The following TENM3 variants were observed in gnomAD, a reference collection of about 807,000 sequenced individuals.
TENM3 encodes the protein teneurin transmembrane protein 3, also known as teneurin-3.
Under a neutral mutation model 255.1 loss-of-function variants are expected in TENM3, and 63 were observed. The observed-to-expected ratio is 0.25, with a 90% CI of 0.20 to 0.30. TENM3 has a LOEUF of 0.30. Among genes scored for constraint, TENM3 ranks in the 10% least tolerant of loss-of-function variants. The pLI, the probability that TENM3 is intolerant of heterozygous loss-of-function variation, is 1.00. For synonymous variants in TENM3, 1,306 were observed against 1,322.3 expected, an observed-to-expected ratio of 0.99 and a Z score of 0.27; for missense variants, 2,929 against 3,461.1, an observed-to-expected ratio of 0.85 and a Z score of 3.86.
At chr4:181,753,540 A>G in the TENM3 span, among the ~76,000 whole-genome samples, 3 of 152,044 alleles carry the variant, frequency 2.0e-5, no homozygotes, top group African/African-American at 7.2e-5. Context: ...GAAAAAAAAA[A>G]AAGATGGATT....
upstream of TENM3, chr4:182,143,156 G>C (rs565717647): frequency 6.0e-6 from 1 of 167,340 alleles, no homozygotes; most frequent in South Asian, 2.1e-4. This position sits in a 1 kb window ranked among gnomAD's most constrained non-coding sequence, Gnocchi z 4.3. Flanking sequence ...GGAGAATGGA[G>C]AGGAAAGAAG....
chr4:181,917,513 A>G, the TENM3 span, among the ~76,000 whole-genome samples: 1 of 152,150 alleles, frequency 6.6e-6, no homozygotes, highest in Non-Finnish European at 1.5e-5. Flanking sequence ...GAAGCAAGGT[A>G]TCACAGAAGC....
chr4:181,477,954 T>A, the TENM3 span, among the ~76,000 whole-genome samples: 1 of 152,226 alleles, frequency 6.6e-6, no homozygotes, highest in African/African-American at 2.4e-5. Flanking sequence ...GGGTAGCCTA[T>A]TTAAATCATT....
chr4:181,929,014 G>A, the TENM3 span, among the ~76,000 whole-genome samples: 2 of 151,978 alleles, frequency 1.3e-5, no homozygotes, highest in Non-Finnish European at 2.9e-5. Flanking sequence ...TACCTTACAA[G>A]AGCTCCTGAA....
chr4:182,084,192 T>TGG, the TENM3 span, among the ~76,000 whole-genome samples: 92 of 152,134 alleles, frequency 6.0e-4, no homozygotes, highest in African/African-American at 2.1e-3. Flanking sequence ...AGCTGCTTGC[T>TGG]GGGGGGAAAA....
intron 18 of TENM3, among the ~76,000 whole-genome samples, chr4:182,742,317 T>C (rs1761667025): frequency 6.6e-6 from 1 of 152,246 alleles, no homozygotes; most frequent in Non-Finnish European, 1.5e-5. Context: ...AAGAGCAGAC[T>C]GGCATTTTGT....
the TENM3 span, among the ~76,000 whole-genome samples, chr4:181,954,262 T>C: frequency 1.3e-5 from 2 of 152,188 alleles, no homozygotes; most frequent in Non-Finnish European, 2.9e-5. Context: ...TAAGGACATA[T>C]GTCTTCATTG....
the TENM3 span, among the ~76,000 whole-genome samples, chr4:182,000,117 T>C: frequency 6.6e-6 from 1 of 152,080 alleles, no homozygotes; most frequent in Admixed American, 6.6e-5. Context: ...CTGGTTTTAT[T>C]GTTTCTTTTT....
chr4:181,781,208 T>C, the TENM3 span, among the ~76,000 whole-genome samples: 5 of 152,160 alleles, frequency 3.3e-5, no homozygotes, highest in Admixed American at 2.6e-4. Flanking sequence ...TAAATTACCT[T>C]GGGCAGTATG....
chr4:182,768,365 A>G (rs1763896782), intron 22 of TENM3, among the ~76,000 whole-genome samples: 1 of 152,220 alleles, frequency 6.6e-6, no homozygotes, highest in African/African-American at 2.4e-5. Context: ...TGCAACATCA[A>G]TAGGCTGTTG....
the TENM3 span, among the ~76,000 whole-genome samples, chr4:181,758,241 G>C: frequency 3.4e-4 from 51 of 152,170 alleles, 1 homozygote; most frequent in Non-Finnish European, 1.0e-4. Context: ...ACATGTATGG[G>C]ATAAAGGACA....
chr4:182,020,227 G>T, the TENM3 span, among the ~76,000 whole-genome samples: 1 of 151,896 alleles, frequency 6.6e-6, no homozygotes, highest in Non-Finnish European at 1.5e-5. Context: ...TTAGCTGGGC[G>T]TGGTGGTGGG....
the TENM3 span, among the ~76,000 whole-genome samples, chr4:181,956,390 G>A: frequency 6.6e-6 from 1 of 152,206 alleles, no homozygotes; most frequent in African/African-American, 2.4e-5. Flanking sequence ...AGACACCCAT[G>A]ACAAAAGTTG....
chr4:181,457,944 GC>G, the TENM3 span, among the ~76,000 whole-genome samples: 1 of 151,770 alleles, frequency 6.6e-6, no homozygotes, highest in African/African-American at 2.4e-5. Context: ...CCACTACATA[GC>G]TTATTTTTAA....
At chr4:182,433,677 T>C (rs1323516363) in intron 3 of TENM3, among the ~76,000 whole-genome samples, 1 of 152,212 alleles carries the variant, frequency 6.6e-6, no homozygotes, top group Non-Finnish European at 1.5e-5. Context: ...TAGCATTCAA[T>C]GAGGATTTGA....
chr4:181,823,277 A>T, the TENM3 span, among the ~76,000 whole-genome samples: 1 of 152,078 alleles, frequency 6.6e-6, no homozygotes, highest in Admixed American at 6.6e-5. Context: ...TTTTTCCAGG[A>T]TAGACCTTAA....
intron 1 of TENM3, among the ~76,000 whole-genome samples, chr4:182,259,992 G>A (rs936691812): frequency 6.6e-6 from 1 of 151,988 alleles, no homozygotes; most frequent in Non-Finnish European, 1.5e-5. Flanking sequence ...GTGGAGCATC[G>A]TCTGTCTGTG....
At chr4:182,671,328 G>C (rs1755195824) in intron 6 of TENM3, among the ~76,000 whole-genome samples, 1 of 152,138 alleles carries the variant, frequency 6.6e-6, no homozygotes, top group Admixed American at 6.5e-5. Flanking sequence ...TCTTTATCTT[G>C]TTTTCTGGCC....
At chr4:181,829,203 C>T in the TENM3 span, among the ~76,000 whole-genome samples, 1 of 152,210 alleles carries the variant, frequency 6.6e-6, no homozygotes, top group East Asian at 1.9e-4. Flanking sequence ...TTACATCTGA[C>T]ACTATCACTG....
Sources: gnomAD v4.1 joint callset for allele counts (sites outside exome capture counted in the v4.1 genomes callset) on GRCh38, gnomAD v4.1.1 for gene constraint, Gnocchi (gnomAD v3.1) non-coding constraint, MANE v1.5 for transcripts, NCBI Gene and HGNC (gene_info 2026-07-23, HGNC 2026-07-21) for gene names.